Variants in KCNMA1 observed in about 807,000 individuals in gnomAD.
The protein encoded by KCNMA1 is Calcium-activated potassium channel subunit alpha-1.
A neutral mutation model predicts 140.0 loss-of-function variants in KCNMA1; 29 were observed. The ratio of observed to expected loss-of-function variants is 0.21; its 90% CI spans 0.15 to 0.28. The LOEUF (loss-of-function observed/expected upper bound fraction) is 0.28. Among genes scored for constraint, KCNMA1 ranks in the 10% least tolerant of loss-of-function variants. The pLI, the probability that KCNMA1 is intolerant of heterozygous loss-of-function variation, is 1.00. For synonymous variants in KCNMA1, 612 were observed against 611.9 expected, an observed-to-expected ratio of 1.00 and a Z score of 0.00; for missense variants, 880 against 1,602.2, an observed-to-expected ratio of 0.55 and a Z score of 7.70.
chr10:77,032,949 G>A (rs1262709856), intron 15 of KCNMA1, among the ~76,000 whole-genome samples: 3 of 152,112 alleles, frequency 2.0e-5, no homozygotes, highest in Non-Finnish European at 4.4e-5. Flanking sequence ...GCACCTTCAG[G>A]AAGAAAATAC....
rs184398357 is a variant in KCNMA1, at chr10:76,974,521, C to T, written c.2267-4454G>A. On this transcript the variant is annotated intron_variant, in intron 19 of 27. Coordinates refer to ENST00000286628, the MANE Select transcript of KCNMA1 (RefSeq NM_001161352.2). ...TCACAAGCCGAGAATTGGGAGTCTC[C>T]TTCTTGAACTCAAATGGATCTTTGG... 47 of 1,550,064 alleles carry T rather than the reference C, an allele frequency of 3.0e-5. 1 individual carries two copies. In the Admixed American group the frequency reaches 6.7e-4, roughly 22 times the overall value.
intron 1 of KCNMA1, among the ~76,000 whole-genome samples, chr10:77,588,105 A>G (rs2077813801): frequency 6.6e-6 from 1 of 152,202 alleles, no homozygotes; most frequent in Non-Finnish European, 1.5e-5. Context: ...GGGTCCCTGT[A>G]TTTTTAACAA....
chr10:77,498,090 GA>G (rs112460564), intron 1 of KCNMA1, among the ~76,000 whole-genome samples: 4,460 of 147,874 alleles, frequency 0.03, 86 homozygotes, highest in Non-Finnish European at 0.036. Context: ...AAAGGAATCT[GA>G]AAAAAAAAAA....
At chr10:77,415,424 C>T (rs1300267833) in intron 1 of KCNMA1, among the ~76,000 whole-genome samples, 1 of 152,190 alleles carries the variant, frequency 6.6e-6, no homozygotes, top group Admixed American at 6.5e-5. Context: ...ATCAGAGACT[C>T]GGAGACTCAG....
intron 1 of KCNMA1, among the ~76,000 whole-genome samples, chr10:77,632,259 C>CA (rs61470442): frequency 0.25 from 37,592 of 151,966 alleles, 5,124 homozygotes; most frequent in African/African-American, 0.34. Flanking sequence ...CTTGGGGAAA[C>CA]CTGGCCTAGG....
At chr10:77,003,526 T>C (rs2087233243) in intron 18 of KCNMA1, among the ~76,000 whole-genome samples, 2 of 152,238 alleles carry the variant, frequency 1.3e-5, no homozygotes, top group African/African-American at 4.8e-5. Flanking sequence ...CTCTTTCTTA[T>C]TTCTTTTACT....
intron 5 of KCNMA1, among the ~76,000 whole-genome samples, chr10:77,134,467 C>T (rs1481790047): frequency 1.3e-5 from 2 of 151,992 alleles, no homozygotes; most frequent in Admixed American, 6.6e-5. Context: ...TTTATCTTAA[C>T]TTGGTTCAAA....
intron 1 of KCNMA1, among the ~76,000 whole-genome samples, chr10:77,565,948 G>A (rs911728987): frequency 1.7e-4 from 25 of 151,264 alleles, no homozygotes; most frequent in South Asian, 4.2e-4. Flanking sequence ...GTGCCTCCTC[G>A]CTTTACAGAC....
In KCNMA1 at chr10:77,011,214, C is replaced by A. The variant is rs144472883; in HGVS notation, c.2092+753G>T. On this transcript the variant is annotated intron_variant, in intron 18 of 27. Transcript: ENST00000286628. The stretch of plus-strand genomic sequence containing the variant: ...AGCATAATTACTGCAAAAGGCACAA[C>A]CTTCTCAAAGCAAAGACCACTTAAG... Among the ~76,000 whole-genome samples the A allele has an allele frequency of 3.1e-4, 47 of 152,284 alleles. 3 individuals carry two copies. The highest frequency in any genetic ancestry group is 1.1e-3 in the African/African-American group (45 of 41,560).
At chr10:77,427,234 G>A (rs2097026016) in intron 1 of KCNMA1, among the ~76,000 whole-genome samples, 2 of 152,188 alleles carry the variant, frequency 1.3e-5, no homozygotes, top group Non-Finnish European at 1.5e-5. Context: ...CCAGGCAGTG[G>A]AAAGTCAATA....
chr10:77,197,157 T>C (rs1377123276), intron 3 of KCNMA1, among the ~76,000 whole-genome samples: 6 of 152,232 alleles, frequency 3.9e-5, no homozygotes, highest in African/African-American at 1.4e-4. Context: ...TCTTTTAAAG[T>C]TGAATTAATA....
At chr10:77,060,289 A>T (rs960696748) in intron 14 of KCNMA1, among the ~76,000 whole-genome samples, 4 of 152,246 alleles carry the variant, frequency 2.6e-5, no homozygotes, top group African/African-American at 9.6e-5. Flanking sequence ...GGAGGACTCA[A>T]ACTTTGTAAT....
At chr10:77,254,694 C>T (rs573160540) in intron 2 of KCNMA1, among the ~76,000 whole-genome samples, 63 of 152,256 alleles carry the variant, frequency 4.1e-4, no homozygotes, top group African/African-American at 1.4e-3. Context: ...TCTCAATATC[C>T]TCTCCTTTCC....
At chr10:77,610,359 C>T in intron 1 of KCNMA1, among the ~76,000 whole-genome samples, 1 of 152,222 alleles carries the variant, frequency 6.6e-6, no homozygotes, top group East Asian at 1.9e-4. Context: ...CAGTCCTTGG[C>T]ACATAGAGGG....
intron 7 of KCNMA1, among the ~76,000 whole-genome samples, chr10:77,112,136 G>C (rs2097340687): frequency 1.3e-5 from 2 of 152,202 alleles, no homozygotes. Flanking sequence ...CAATACCAAT[G>C]AGCAATGAAC....
chr10:77,454,207 T>C (rs2097716655), intron 1 of KCNMA1, among the ~76,000 whole-genome samples: 1 of 151,910 alleles, frequency 6.6e-6, no homozygotes, highest in African/African-American at 2.4e-5. Flanking sequence ...AATGAAAAAA[T>C]AGTCCATCAA....
intron 2 of KCNMA1, among the ~76,000 whole-genome samples, chr10:77,311,766 C>T (rs1250896963): frequency 6.6e-6 from 1 of 152,198 alleles, no homozygotes; most frequent in Non-Finnish European, 1.5e-5. Context: ...AGGAGCATGA[C>T]ATTCCGCAAG....
intron 3 of KCNMA1, among the ~76,000 whole-genome samples, chr10:77,224,126 C>T (rs571760185): frequency 1.9e-3 from 290 of 152,330 alleles, no homozygotes; most frequent in Non-Finnish European, 3.6e-3. Flanking sequence ...GGTACAGTTC[C>T]ACAGACCCTG....
chr10:77,545,629 G>A (rs1160309509), intron 1 of KCNMA1, among the ~76,000 whole-genome samples: 2 of 152,176 alleles, frequency 1.3e-5, no homozygotes, highest in Non-Finnish European at 2.9e-5. Context: ...GGCCCTGCCT[G>A]GAACATATTC....
Sources: gnomAD v4.1 joint callset for allele counts (sites outside exome capture counted in the v4.1 genomes callset) on GRCh38, gnomAD v4.1.1 for gene constraint, MANE v1.5 for transcripts, NCBI Gene and HGNC (gene_info 2026-07-23, HGNC 2026-07-21) for gene names.